The following RALGPS1 variants were observed in gnomAD, a reference collection of about 807,000 sequenced individuals.
RALGPS1 encodes Ral GEF with PH domain and SH3 binding motif 1.
Under a neutral mutation model 78.8 loss-of-function variants are expected in RALGPS1, and 19 were observed. The observed-to-expected ratio is 0.24, with a 90% CI of 0.17 to 0.35. The LOEUF (loss-of-function observed/expected upper bound fraction) is 0.35, where lower values mean the gene tolerates loss of function less well. RALGPS1 is among the 10% of genes least tolerant of loss of function. The pLI is 1.00. For synonymous variants in RALGPS1, 228 were observed against 256.3 expected, an observed-to-expected ratio of 0.89 and a Z score of 1.06; for missense variants, 454 against 688.3, an observed-to-expected ratio of 0.66 and a Z score of 3.81.
chr9:127,160,586 C>G (rs1016367503), intron 8 of RALGPS1, among the ~76,000 whole-genome samples: 8 of 152,178 alleles, frequency 5.3e-5, no homozygotes, highest in African/African-American at 1.9e-4. Flanking sequence ...TGGGCATAGC[C>G]ATGGGGCAGA....
intron 1 of RALGPS1, among the ~76,000 whole-genome samples, chr9:126,952,675 G>GTGTGTGTGTGTC (rs1389201158): frequency 9.4e-6 from 1 of 106,490 alleles, no homozygotes; most frequent in Non-Finnish European, 2.3e-5. Context: ...GTGTGTGTGT[G>GTGTGTGTGTGTC]TGTGTCTGTG....
chr9:127,049,461 G>A (rs1016845660), intron 5 of RALGPS1, among the ~76,000 whole-genome samples: 4 of 152,164 alleles, frequency 2.6e-5, no homozygotes, highest in African/African-American at 9.7e-5. Context: ...CCTGTAACAT[G>A]CATTGCTTTA....
intron 8 of RALGPS1, among the ~76,000 whole-genome samples, chr9:127,132,357 C>A (rs1178317377): frequency 1.3e-5 from 2 of 152,184 alleles, no homozygotes; most frequent in Admixed American, 1.3e-4. Context: ...TCCTATAAAT[C>A]GTCTTGCAGA....
chr9:127,034,025 A>G, intron 4 of RALGPS1, among the ~76,000 whole-genome samples: 1 of 152,210 alleles, frequency 6.6e-6, no homozygotes, highest in East Asian at 1.9e-4. Flanking sequence ...TCATGTGGCC[A>G]GTGAAATCTG....
At chr9:126,974,776 G>A (rs928210153) in intron 3 of RALGPS1, among the ~76,000 whole-genome samples, 2 of 152,120 alleles carry the variant, frequency 1.3e-5, no homozygotes, top group African/African-American at 4.8e-5. Flanking sequence ...TTGGAAACGA[G>A]AGTGGGAGGC....
intron 14 of RALGPS1, among the ~76,000 whole-genome samples, chr9:127,206,535 G>T (rs1055404879): frequency 1.7e-4 from 26 of 152,082 alleles, no homozygotes; most frequent in African/African-American, 5.8e-4. Context: ...GCAGCATGGG[G>T]GTAACCACCC....
intron 1 of RALGPS1, among the ~76,000 whole-genome samples, chr9:126,938,006 T>C (rs1214830655): frequency 6.6e-6 from 1 of 152,194 alleles, no homozygotes; most frequent in Admixed American, 6.5e-5. Flanking sequence ...GAATCTGAAT[T>C]GTTCAACTTT....
chr9:127,016,731 T>C (rs2044866196), intron 4 of RALGPS1: 2 of 152,210 alleles, frequency 1.3e-5, no homozygotes, highest in African/African-American at 4.8e-5. Flanking sequence ...TCATACGCAG[T>C]GTCATCATCT....
chr9:127,093,799 G>A (rs761488157), intron 8 of RALGPS1: 1 of 1,614,060 alleles, frequency 6.2e-7, no homozygotes, highest in East Asian at 2.2e-5. Context: ...TGACGGTCCA[G>A]CCCCCGGGGT....
intron 8 of RALGPS1, among the ~76,000 whole-genome samples, chr9:127,154,454 A>C (rs916896936): frequency 1.3e-5 from 2 of 152,250 alleles, no homozygotes; most frequent in African/African-American, 4.8e-5. Context: ...CCTGAAAACC[A>C]CAAATAAATT....
At chr9:126,973,991 G>A (rs2132532441) in intron 3 of RALGPS1, among the ~76,000 whole-genome samples, 1 of 152,222 alleles carries the variant, frequency 6.6e-6, no homozygotes, top group Middle Eastern at 3.4e-3. Context: ...TCTTGCCTCA[G>A]CCTCCTGAGT....
intron 5 of RALGPS1, among the ~76,000 whole-genome samples, chr9:127,043,602 G>C (rs2047504265): frequency 6.6e-6 from 1 of 152,138 alleles, no homozygotes; most frequent in Admixed American, 6.5e-5. Flanking sequence ...GAAAAAATAA[G>C]TTGGAACTTT....
At chr9:126,926,747 G>T (rs1488043406) in intron 1 of RALGPS1, among the ~76,000 whole-genome samples, 2 of 152,094 alleles carry the variant, frequency 1.3e-5, no homozygotes, top group African/African-American at 4.8e-5. Flanking sequence ...CTGAGTGAGG[G>T]TTATTATAGG....
intron 17 of RALGPS1, among the ~76,000 whole-genome samples, 187 bp downstream of exon 17, chr9:127,213,236 A>AG (rs1419321005): frequency 2.0e-5 from 3 of 152,220 alleles, no homozygotes; most frequent in African/African-American, 7.2e-5. Context: ...ATGTCCATTG[A>AG]GAAGGGTATG....
At chr9:127,097,113 C>T (rs1041638067) in intron 8 of RALGPS1, among the ~76,000 whole-genome samples, 6 of 151,714 alleles carry the variant, frequency 4.0e-5, no homozygotes, top group East Asian at 1.9e-4. Context: ...AGTCAGCCAG[C>T]GAAAAAAATA....
At chr9:126,921,431 T>G (rs879860946) in intron 1 of RALGPS1, among the ~76,000 whole-genome samples, 3 of 152,238 alleles carry the variant, frequency 2.0e-5, no homozygotes, top group Non-Finnish European at 4.4e-5. Context: ...GCACTGATCA[T>G]TCCATGACTT....
intron 4 of RALGPS1, among the ~76,000 whole-genome samples, chr9:127,026,068 C>T (rs562024287): frequency 6.6e-6 from 1 of 152,140 alleles, no homozygotes; most frequent in East Asian, 1.9e-4. Flanking sequence ...GATATATATA[C>T]AAAAGGGAGT....
At chr9:126,989,815 C>T in intron 4 of RALGPS1, 2 of 1,520,762 alleles carry the variant, frequency 1.3e-6, no homozygotes, top group South Asian at 1.3e-5. Flanking sequence ...TCGATTTCAC[C>T]CTTCCTGCAT....
intron 1 of RALGPS1, among the ~76,000 whole-genome samples, chr9:126,960,579 A>G (rs1406527643): frequency 3.3e-5 from 5 of 152,008 alleles, no homozygotes; most frequent in Admixed American, 2.0e-4. Context: ...AGGCCCTGTG[A>G]CTGAGGGACC....
Sources: gnomAD v4.1 joint callset for allele counts (sites outside exome capture counted in the v4.1 genomes callset) on GRCh38, gnomAD v4.1.1 for gene constraint, MANE v1.5 for transcripts, NCBI Gene and HGNC (gene_info 2026-07-23, HGNC 2026-07-21) for gene names.